SPOPL: variants seen among roughly 807,000 people sequenced by gnomAD.
The protein encoded by SPOPL is speckle type BTB/POZ protein like, also known as speckle-type POZ protein-like.
In SPOPL, 23 loss-of-function variants were observed where a neutral mutation model predicts 53.8. The observed-to-expected ratio is 0.43, with a 90% CI of 0.31 to 0.61. SPOPL has a LOEUF of 0.61. Among genes scored for constraint, SPOPL ranks in the 20% least tolerant of loss-of-function variants. The probability of loss-of-function intolerance (pLI) is 0.12; values close to 1 mark genes in which losing one functional copy is unlikely to be tolerated. For synonymous variants in SPOPL, 164 were observed against 149.7 expected (o/e 1.10, Z -0.70); for missense variants, 442 against 466.9 (o/e 0.95, Z 0.49).
chr2:138,568,735 C>G (rs1685717554), intron 10 of SPOPL, among the ~76,000 whole-genome samples: 1 of 151,950 alleles, frequency 6.6e-6, no homozygotes, highest in South Asian at 2.1e-4. Context: ...AGCCGAACTT[C>G]CAGAAAAATT....
intron 1 of SPOPL, among the ~76,000 whole-genome samples, chr2:138,544,286 A>C (rs1363953536): frequency 6.6e-6 from 1 of 152,204 alleles, no homozygotes; most frequent in Non-Finnish European, 1.5e-5. Context: ...TTAAGTCTGC[A>C]GAGGATTCTG....
chr2:138,526,446 A>G (rs1359800708), intron 1 of SPOPL, among the ~76,000 whole-genome samples: 1 of 152,162 alleles, frequency 6.6e-6, no homozygotes, highest in Non-Finnish European at 1.5e-5. Context: ...GGGGAGTATC[A>G]GGATTTATTA....
intron 1 of SPOPL, among the ~76,000 whole-genome samples, chr2:138,511,160 G>A (rs924353307): frequency 5.3e-5 from 8 of 152,130 alleles, no homozygotes; most frequent in African/African-American, 9.7e-5. Context: ...TATCAATGGC[G>A]TTTGAGAACT....
chr2:138,547,374 A>T (rs1685218923), intron 1 of SPOPL, among the ~76,000 whole-genome samples: 1 of 152,168 alleles, frequency 6.6e-6, no homozygotes, highest in Non-Finnish European at 1.5e-5. Flanking sequence ...TCTTCTAGAG[A>T]TATTGAAGAA....
At chr2:138,535,250 T>C (rs1684902529) in intron 1 of SPOPL, among the ~76,000 whole-genome samples, 1 of 152,236 alleles carries the variant, frequency 6.6e-6, no homozygotes, top group Non-Finnish European at 1.5e-5. Context: ...GGATTGTCCA[T>C]CAATGAATGG....
At chr2:138,551,568 T>A (rs1280472354) in intron 4 of SPOPL, among the ~76,000 whole-genome samples, 2 of 152,038 alleles carry the variant, frequency 1.3e-5, no homozygotes, top group Non-Finnish European at 2.9e-5. Context: ...CCAGCTGAAA[T>A]GCAGTAGCCT....
intron 1 of SPOPL, among the ~76,000 whole-genome samples, chr2:138,512,887 C>T (rs1372296495): frequency 7.2e-5 from 11 of 152,202 alleles, no homozygotes; most frequent in Non-Finnish European, 1.6e-4. Flanking sequence ...TATTAAGTGT[C>T]TAGTCATTGA....
rs1171787230 is a variant in SPOPL at position 138,573,519 on chromosome 2, C to G, written c.*4439C>G. 1.3e-5 allele frequency: 2 copies of G among 152,118 alleles called. No individual in the cohort carries two copies. The highest frequency in any genetic ancestry group is 2.9e-5 in the Non-Finnish European group (2 of 68,026). The allele number at this position is 152,118 out of a possible 1,614,324, so 9.4% of individuals were successfully genotyped here. On this transcript the variant is annotated 3_prime_UTR_variant, in exon 11 of 11. Coordinates refer to ENST00000280098, the MANE Select transcript of SPOPL (RefSeq NM_001001664.3). ...ATCACCTTTTCCCTGTCATTCCTAT[C>G]CTGTCTTAATTTCAGTTATCCCAGA...
intron 1 of SPOPL, among the ~76,000 whole-genome samples, chr2:138,539,749 G>A (rs981291796): frequency 6.6e-6 from 1 of 152,184 alleles, no homozygotes; most frequent in Non-Finnish European, 1.5e-5. Context: ...AAGCTCTTTA[G>A]TTTAATTAGA....
chr2:138,553,583 T>C (rs1389986630), intron 5 of SPOPL, among the ~76,000 whole-genome samples: 1 of 152,164 alleles, frequency 6.6e-6, no homozygotes, highest in Non-Finnish European at 1.5e-5. Context: ...AACTATAAGC[T>C]GTAATCTTTT....
intron 1 of SPOPL, among the ~76,000 whole-genome samples, chr2:138,524,827 A>G (rs1017870147): frequency 6.6e-6 from 1 of 152,182 alleles, no homozygotes; most frequent in Non-Finnish European, 1.5e-5. Flanking sequence ...AAGCCATTCA[A>G]CATGTCTCTA....
At chr2:138,529,533 T>TGC (rs751943538) in intron 1 of SPOPL, among the ~76,000 whole-genome samples, 6 of 89,242 alleles carry the variant, frequency 6.7e-5, no homozygotes, top group African/African-American at 2.1e-4. Context: ...TGTGTGTGTG[T>TGC]GTTTGCGTGC....
Position 138,559,224 on chromosome 2 carries a change from T to C in SPOPL, c.658+25T>C, listed in dbSNP as rs899482529. 1.5e-5 allele frequency: 24 copies of C among 1,611,028 alleles called. No individual in the cohort carries two copies. In the Admixed American group the frequency reaches 2.9e-4, roughly 19 times the overall value. On this transcript the variant is annotated intron_variant, in intron 6 of 10. Coordinates refer to ENST00000280098, the MANE Select transcript of SPOPL (RefSeq NM_001001664.3). ...GGTACTTTCTAGTTATGGGGTAATATAGTACATTTAAAAAAATGCATTTAT... is the reference window on the plus strand; with the variant it reads ...GGTACTTTCTAGTTATGGGGTAATACAGTACATTTAAAAAAATGCATTTAT...
At position 138,570,776 on chromosome 2, in the gene SPOPL, T is replaced by C. The variant is rs1006908032; in HGVS notation, c.*1696T>C. ...TGCTATCTCTTTGTTAGGTGTTAACTGAAGCAATTCGAATATGTCCAGATT... is the reference window on the plus strand; with the variant it reads ...TGCTATCTCTTTGTTAGGTGTTAACCGAAGCAATTCGAATATGTCCAGATT... On this transcript the variant is annotated 3_prime_UTR_variant, in exon 11 of 11. Coordinates refer to ENST00000280098, the MANE Select transcript of SPOPL (RefSeq NM_001001664.3). 1 of 152,208 alleles carries C rather than the reference T, an allele frequency of 6.6e-6. No individual in the cohort carries two copies. Among genetic ancestry groups the C allele is most frequent in the South Asian group, 2.1e-4 (1 of 4,830 alleles). 9.4% of individuals were successfully genotyped at this position (152,208 alleles called of 1,614,324 possible). A position where few individuals can be genotyped will look rare whatever the true frequency, so the allele number is the denominator to read the frequency against.
At chr2:138,505,252 C>A (rs1300835239) in intron 1 of SPOPL, among the ~76,000 whole-genome samples, 1 of 152,098 alleles carries the variant, frequency 6.6e-6, no homozygotes, top group African/African-American at 2.4e-5. Flanking sequence ...AGTACTTCAT[C>A]AAAAGTCTTA....
At chr2:138,513,466 C>G (rs1209909657) in intron 1 of SPOPL, among the ~76,000 whole-genome samples, 1 of 152,064 alleles carries the variant, frequency 6.6e-6, no homozygotes, top group Non-Finnish European at 1.5e-5. Flanking sequence ...GGCAGGAGCG[C>G]TTGAACCTGG....
At chr2:138,564,676 A>G (rs1385365155) in intron 8 of SPOPL, 32 bp from the exon 9 acceptor site, 4 of 1,610,930 alleles carry the variant, frequency 2.5e-6, no homozygotes, top group East Asian at 4.5e-5. Flanking sequence ...GTTGGAGTAA[A>G]TGTTTAATGG....
chr2:138,516,022 A>G (rs966568783), intron 1 of SPOPL, among the ~76,000 whole-genome samples: 1 of 152,226 alleles, frequency 6.6e-6, no homozygotes, highest in Non-Finnish European at 1.5e-5. Context: ...TTATTTTGGA[A>G]TAAACCTGTT....
chr2:138,541,386 G>A (rs1240189618), intron 1 of SPOPL, among the ~76,000 whole-genome samples: 1 of 152,054 alleles, frequency 6.6e-6, no homozygotes, highest in Non-Finnish European at 1.5e-5. Flanking sequence ...ACTTTTTTTG[G>A]TTGGTAAGCT....
Sources: allele counts gnomAD v4.1 joint callset (sites outside exome capture counted in the v4.1 genomes callset), GRCh38; gene constraint gnomAD v4.1.1; transcripts MANE v1.5; gene names NCBI Gene and HGNC (gene_info 2026-07-23, HGNC 2026-07-21).